The following MLANA variants were observed in gnomAD, a reference collection of about 807,000 sequenced individuals.
MLANA encodes the protein melanoma antigen recognized by T-cells 1.
A neutral mutation model predicts 15.7 loss-of-function variants in MLANA; 21 were observed. That is an observed-to-expected ratio of 1.33 (90% CI 0.95 to 1.92). The LOEUF (loss-of-function observed/expected upper bound fraction) is 1.92, where lower values mean the gene tolerates loss of function less well. MLANA is among the 40% of genes most tolerant of loss of function. The probability of loss-of-function intolerance (pLI) is 0.00; values close to 1 mark genes in which losing one functional copy is unlikely to be tolerated. For missense variants in MLANA, 164 were observed against 143.8 expected (o/e 1.14, Z -0.72); for synonymous variants, 56 against 51.5 (o/e 1.09, Z -0.37).
intron 3 of MLANA, among the ~76,000 whole-genome samples, chr9:5,898,548 T>A (rs557838799): frequency 7.9e-5 from 12 of 152,318 alleles, no homozygotes; most frequent in African/African-American, 2.9e-4. Flanking sequence ...ACCTGTCTCT[T>A]TGGTTCTACT....
At chr9:5,899,526 A>C (rs1228926378) in intron 3 of MLANA, among the ~76,000 whole-genome samples, 3 of 152,172 alleles carry the variant, frequency 2.0e-5, no homozygotes, top group Non-Finnish European at 2.9e-5. Context: ...GGAGTTGATG[A>C]ATCTGAACAA....
At chr9:5,905,277 A>AG (rs1193650343) in intron 3 of MLANA, among the ~76,000 whole-genome samples, 1 of 152,160 alleles carries the variant, frequency 6.6e-6, no homozygotes, top group Non-Finnish European at 1.5e-5. Flanking sequence ...CTCTTCACCA[A>AG]GGGGACCCCA....
intron 3 of MLANA, among the ~76,000 whole-genome samples, chr9:5,906,111 G>C (rs1388715593): frequency 6.6e-6 from 1 of 151,700 alleles, no homozygotes; most frequent in Non-Finnish European, 1.5e-5. Flanking sequence ...CAGCTACTCA[G>C]AGGCTGAGGC....
chr9:5,908,825 C>A lies in MLANA; in HGVS notation c.*117C>A. On this transcript the variant is annotated 3_prime_UTR_variant, in exon 5 of 5. Transcript: ENST00000381477. ...GGTGTAGGAAAAATGCAAGCCATCT[C>A]TAATAATAAGTCAGTGTTAAAATTT... 1 of 933,566 alleles carries A rather than the reference C, an allele frequency of 1.1e-6. No homozygotes were observed. The allele number at this position is 933,566 out of a possible 1,614,324, so 57.8% of individuals were successfully genotyped here.
At chr9:5,902,414 T>C (rs150571639) in intron 3 of MLANA, among the ~76,000 whole-genome samples, 2 of 152,302 alleles carry the variant, frequency 1.3e-5, no homozygotes, top group Non-Finnish European at 2.9e-5. Flanking sequence ...TTTCCCAGAA[T>C]CAGCATTTGG....
At chr9:5,900,365 A>G (rs1190342732) in intron 3 of MLANA, among the ~76,000 whole-genome samples, 2 of 152,078 alleles carry the variant, frequency 1.3e-5, no homozygotes, top group African/African-American at 2.4e-5. Context: ...TTTAATTTCC[A>G]TATTTATTTT....
At chr9:5,903,403 T>G (rs998846699) in intron 3 of MLANA, among the ~76,000 whole-genome samples, 3 of 152,240 alleles carry the variant, frequency 2.0e-5, no homozygotes, top group African/African-American at 7.2e-5. Flanking sequence ...ATTGTTAGGT[T>G]TGATTTGCTA....
At chr9:5,903,910 T>G (rs1190039214) in intron 3 of MLANA, among the ~76,000 whole-genome samples, 1 of 151,766 alleles carries the variant, frequency 6.6e-6, no homozygotes. Context: ...TAGACTGGAG[T>G]GCAGTGGTGT....
In MLANA at chr9:5,908,921, A is replaced by C. The variant is rs1586974302; in HGVS notation, c.*213A>C. 3 of 548,178 alleles carry C rather than the reference A, an allele frequency of 5.5e-6. No homozygotes were observed. Among genetic ancestry groups the C allele is most frequent in the Admixed American group, 6.7e-5 (2 of 30,054 alleles). The allele number at this position is 548,178 out of a possible 1,614,324, so 34.0% of individuals were successfully genotyped here. On this transcript the variant is annotated 3_prime_UTR_variant, in exon 5 of 5. Transcript: ENST00000381477. ...AATATTAAATTGGGAAAACTCCATC[A>C]ATAAATGTTGCAATGCATGATACTA...
At chr9:5,900,301 G>T (rs1446699310) in intron 3 of MLANA, among the ~76,000 whole-genome samples, 1 of 152,088 alleles carries the variant, frequency 6.6e-6, no homozygotes, top group Non-Finnish European at 1.5e-5. Context: ...TCAGTGGTTT[G>T]TAGTTTCTGA....
At chr9:5,906,859 C>A in intron 3 of MLANA, 26 bp from the exon 4 acceptor site, 1 of 1,432,446 alleles carries the variant, frequency 7.0e-7, no homozygotes, top group Admixed American at 2.4e-5. Flanking sequence ...TTCTCACCCA[C>A]TCACCTTTAT....
rs1178563464 is a variant in MLANA at position 5,897,573 on chromosome 9, A to T, written c.94A>T (p.Ile32Phe). 6.2e-7 allele frequency: 1 copy of T among 1,614,150 alleles called. No individual in the cohort carries two copies. Among genetic ancestry groups the T allele is most frequent in the African/African-American group, 1.3e-5 (1 of 75,072 alleles). Residue 32 changes from isoleucine to phenylalanine, a missense_variant, in exon 3 of 5, where the codon ATC becomes TTC. Ile to Phe is a conservative substitution (Grantham distance 21). Coordinates refer to ENST00000381477, the MANE Select transcript of MLANA (RefSeq NM_005511.2). ...TTGGGCCAGGGCCGCTGGGATCGGC[A>T]TCCTGACAGTGATCCTGGGAGTCTT... ...TTAEEAAGIGILTVILGVLLL... is the reference protein window; with the variant it reads ...TTAEEAAGIGFLTVILGVLLL...
intron 4 of MLANA, 44 bp from the exon 5 acceptor site, chr9:5,908,596 T>C (rs778939612): frequency 1.9e-5 from 29 of 1,513,024 alleles, no homozygotes; most frequent in Middle Eastern, 1.7e-4. Context: ...TAGAAACACA[T>C]ACACTGTTGC....
At chr9:5,905,089 C>T (rs937606558) in intron 3 of MLANA, among the ~76,000 whole-genome samples, 2 of 152,108 alleles carry the variant, frequency 1.3e-5, no homozygotes, top group African/African-American at 2.4e-5. Context: ...TTCTTTTTTA[C>T]TTTTTTTCAG....
At position 5,906,961 on chromosome 9, in the gene MLANA, G is replaced by C. The variant is rs1465051047; in HGVS notation, c.251G>C (p.Ser84Thr). The C allele has an allele frequency of 3.1e-6, 5 of 1,599,328 alleles. No individual in the cohort carries two copies. In the Admixed American group the frequency reaches 7.0e-5, roughly 22 times the overall value. The change falls in exon 4 of 5, where the codon AGC (serine) becomes ACC (threonine). Residue 84 changes from serine (S) to threonine (T), a missense_variant. Physicochemically the swap from Ser to Thr is moderately conservative, Grantham distance 58. Transcript: ENST00000381477. ...CAAGAAGGGTTTGATCATCGGGACA[G>C]CAAAGTGTCTCTTCAAGAGAAAAAC... ...CPQEGFDHRD[S>T]KVSLQEKNCE...
At chr9:5,903,556 G>A (rs1245105025) in intron 3 of MLANA, among the ~76,000 whole-genome samples, 1 of 152,112 alleles carries the variant, frequency 6.6e-6, no homozygotes, top group Non-Finnish European at 1.5e-5. Flanking sequence ...TTTACCTGCT[G>A]GCTTTGTGTT....
At chr9:5,892,407 G>A (rs1358375982) in intron 1 of MLANA, 43 bp from the exon 2 acceptor site, 1 of 1,399,760 alleles carries the variant, frequency 7.1e-7, no homozygotes, top group Admixed American at 1.9e-5. Context: ...TGAATAGGGT[G>A]GCTTTGGATG....
chr9:5,904,496 TCTCA>T (rs1832667507), intron 3 of MLANA, among the ~76,000 whole-genome samples: 1 of 152,032 alleles, frequency 6.6e-6, no homozygotes, highest in Non-Finnish European at 1.5e-5. Context: ...TGAGACAGAA[TCTCA>T]CTCACTCTGT....
intron 3 of MLANA, among the ~76,000 whole-genome samples, chr9:5,905,721 T>C (rs1027897386): frequency 1.2e-4 from 19 of 152,240 alleles, no homozygotes; most frequent in African/African-American, 4.6e-4. Flanking sequence ...ATGTCCTGCC[T>C]TTTCAGGCTG....
Sources: allele counts gnomAD v4.1 joint callset (sites outside exome capture counted in the v4.1 genomes callset), GRCh38; gene constraint gnomAD v4.1.1; transcripts MANE v1.5; gene names NCBI Gene and HGNC (gene_info 2026-07-23, HGNC 2026-07-21).